Variants in TBC1D4 observed in about 807,000 individuals in gnomAD.
TBC1D4 encodes the protein TBC (Tre-2, BUB2, CDC16) domain-containing protein.
In TBC1D4, 121 loss-of-function variants were observed where a neutral mutation model predicts 142.5. The observed-to-expected ratio is 0.85, with a 90% CI of 0.73 to 0.99. TBC1D4 has a LOEUF of 0.99. Among genes scored for constraint, TBC1D4 ranks in the 50% least tolerant of loss-of-function variants. TBC1D4 has a pLI of 0.00. For synonymous variants in TBC1D4, 630 were observed against 628.2 expected (o/e 1.00, Z -0.04); for missense variants, 1,475 against 1,606.6 (o/e 0.92, Z 1.40).
In TBC1D4 at chr13:75,349,632, A is replaced by C. The variant is rs148056680; in HGVS notation, c.1276-330T>G. ...ATCCTTCTGTTTAATTATATGCTTT[A>C]TCAGATAAAGATCCTTTTGGAAGTT... On this transcript the variant is annotated intron_variant, in intron 4 of 20. Transcript: ENST00000377636. Among the ~76,000 whole-genome samples, 4 of 152,348 alleles carry C rather than the reference A, an allele frequency of 2.6e-5. No individual in the cohort carries two copies. In the East Asian group the frequency reaches 7.7e-4, roughly 29 times the overall value.
In TBC1D4 at chr13:75,370,931, G is replaced by C. The variant is rs75572602; in HGVS notation, c.499-8324C>G. On this transcript the variant is annotated intron_variant, in intron 1 of 20. Transcript: ENST00000377636. Reference sequence around the variant, plus strand: ...AGACAGCTAGGCAGAAACACAGAGGGGGTTATCTCCAGGATCTAGCCCTGA... The same window carrying C: ...AGACAGCTAGGCAGAAACACAGAGGCGGTTATCTCCAGGATCTAGCCCTGA... 5.3e-3 allele frequency among the ~76,000 whole-genome samples: 805 copies of C among 152,226 alleles called. 6 individuals carry two copies. The highest frequency in any genetic ancestry group is 0.018 in the African/African-American group (756 of 41,512).
At chr13:75,325,584 T>G (rs1195309478) in intron 10 of TBC1D4, among the ~76,000 whole-genome samples, 11 of 152,178 alleles carry the variant, frequency 7.2e-5, no homozygotes. Flanking sequence ...TCACCAAATA[T>G]CAAGCAACTT....
chr13:75,362,093 C>A lies in TBC1D4; in HGVS notation c.1013G>T (p.Arg338Ile), dbSNP rs1882571073. The A allele has an allele frequency of 6.2e-7, 1 of 1,614,126 alleles. No homozygotes were observed. Among genetic ancestry groups the A allele is most frequent in the Admixed American group, 1.7e-5 (1 of 60,036 alleles). Residue 338 changes from arginine to isoleucine, a missense_variant, in exon 2 of 21, where the codon AGA (arginine) becomes ATA (isoleucine). Physicochemically the swap from Arg to Ile is moderately conservative, Grantham distance 97. Around this residue, in one of 2 missense-constraint regions of TBC1D4, gnomAD observed 1,227 missense variants for 1,267.7 expected, o/e 0.97. Transcript: ENST00000377636. The surrounding 1 kb of genome is among the most constrained non-coding windows in gnomAD (Gnocchi z 4.2). ...GACGTGACTGGGTGCGCTCGCGTGT[C>A]TCCGTCGCGGCTGGGATTTCTGGCT... Reference protein sequence around the residue: ...EGSQKSQPRRRHASAPSHVQP... With the variant: ...EGSQKSQPRRIHASAPSHVQP...
intron 1 of TBC1D4, among the ~76,000 whole-genome samples, chr13:75,410,471 G>A (rs1308869725): frequency 1.3e-5 from 2 of 152,172 alleles, no homozygotes; most frequent in Admixed American, 1.3e-4. Context: ...AAGACTAGAG[G>A]TCAAACTATA....
intron 13 of TBC1D4, among the ~76,000 whole-genome samples, chr13:75,311,800 T>A (rs1877784924): frequency 6.6e-6 from 1 of 152,212 alleles, no homozygotes; most frequent in Admixed American, 6.5e-5. Flanking sequence ...CAAAAAGATT[T>A]ACTTAAAAAT....
chr13:75,431,606 G>A (rs893893913), intron 1 of TBC1D4, among the ~76,000 whole-genome samples: 1 of 152,120 alleles, frequency 6.6e-6, no homozygotes, highest in Non-Finnish European at 1.5e-5. Flanking sequence ...GTTGGTCTAA[G>A]GATCAGAGTT....
At chr13:75,462,315 C>A (rs1462739562) in intron 1 of TBC1D4, among the ~76,000 whole-genome samples, 1 of 152,044 alleles carries the variant, frequency 6.6e-6, no homozygotes. Flanking sequence ...CATCTACAGA[C>A]CTAAAGTTTA....
intron 3 of TBC1D4, 57 bp downstream of exon 3, chr13:75,359,712 G>T: frequency 1.5e-6 from 2 of 1,368,824 alleles, no homozygotes; most frequent in Admixed American, 1.7e-5. Flanking sequence ...TTATTTTATT[G>T]TTAATTCTGA....
intron 1 of TBC1D4, among the ~76,000 whole-genome samples, chr13:75,455,242 G>A (rs540452407): frequency 7.9e-5 from 12 of 152,128 alleles, no homozygotes; most frequent in South Asian, 6.2e-4. Flanking sequence ...CCCACAGCCC[G>A]CTGGCTATGG....
At chr13:75,305,385 A>G (rs539172976) in intron 15 of TBC1D4, among the ~76,000 whole-genome samples, 1 of 152,362 alleles carries the variant, frequency 6.6e-6, no homozygotes, top group East Asian at 1.9e-4. Context: ...CTCCTAAAAT[A>G]TCTTTGAAAG....
chr13:75,302,284 T>C lies in TBC1D4; in HGVS notation c.2870A>G (p.Lys957Arg). The change falls in exon 16 of 21, where the codon AAG (lysine) becomes AGG (arginine). Residue 957 changes from lysine (K) to arginine (R), a missense_variant. Physicochemically the swap from Lys to Arg is conservative, Grantham distance 26. Transcript: ENST00000377636. Reference protein sequence around the residue: ...PPDISYKELLKQLTAQQHAIL... With the variant: ...PPDISYKELLRQLTAQQHAIL... ...CGCATGCTGCTGAGCAGTGAGCTGC[T>C]TCAAAAGTTCCTTATAGGATATGTC... 1 of 1,614,224 alleles carries C rather than the reference T, an allele frequency of 6.2e-7. No homozygotes were observed.
intron 1 of TBC1D4, among the ~76,000 whole-genome samples, chr13:75,375,297 C>T (rs972640834): frequency 2.0e-5 from 3 of 152,172 alleles, no homozygotes; most frequent in Non-Finnish European, 4.4e-5. Flanking sequence ...ATGAGCTCTT[C>T]GTCTCCTCCA....
At chr13:75,358,125 C>T (rs1254033820) in intron 3 of TBC1D4, among the ~76,000 whole-genome samples, 1 of 152,070 alleles carries the variant, frequency 6.6e-6, no homozygotes, top group Non-Finnish European at 1.5e-5. Context: ...GGAACTGCTT[C>T]GGTTCAGACA....
At chr13:75,467,987 C>T (rs569862618) in intron 1 of TBC1D4, among the ~76,000 whole-genome samples, 26 of 152,226 alleles carry the variant, frequency 1.7e-4, no homozygotes, top group Admixed American at 1.0e-3. Flanking sequence ...CTGACCTCAC[C>T]CAGATGGATC....
intron 1 of TBC1D4, among the ~76,000 whole-genome samples, chr13:75,379,081 T>C (rs1213602787): frequency 1.3e-5 from 2 of 152,062 alleles, no homozygotes; most frequent in Non-Finnish European, 2.9e-5. Flanking sequence ...TATATAAACA[T>C]CTCAATCACA....
chr13:75,341,160 G>A lies in TBC1D4; in HGVS notation c.1576C>T (p.Gln526Ter). 1 of 1,613,320 alleles carries A rather than the reference G, an allele frequency of 6.2e-7. No individual in the cohort carries two copies. Among genetic ancestry groups the A allele is most frequent in the Non-Finnish European group, 8.5e-7 (1 of 1,179,842 alleles). ...LHLRQLCEAK[Q>*]KTHVHIGEGP... ...TCCCCGATGTGCACGTGTGTCTTCTGCTTGGCTTCACACAGCTGCCTCAGG... is the reference window on the plus strand; with the variant it reads ...TCCCCGATGTGCACGTGTGTCTTCTACTTGGCTTCACACAGCTGCCTCAGG... Residue 526 changes from glutamine to a stop codon, truncating the protein, a stop_gained, in exon 7 of 21, where the codon CAG becomes TAG. Coordinates refer to ENST00000377636, the MANE Select transcript of TBC1D4 (RefSeq NM_014832.5). LOFTEE classifies it high-confidence loss of function.
intron 1 of TBC1D4, among the ~76,000 whole-genome samples, chr13:75,473,272 A>C (rs1278518974): frequency 1.3e-5 from 2 of 152,158 alleles, no homozygotes; most frequent in Non-Finnish European, 2.9e-5. Flanking sequence ...ATTTTTACTG[A>C]ATTTTAAAAG....
chr13:75,310,196 A>C, intron 13 of TBC1D4, 45 bp from the exon 14 acceptor site: 1 of 1,566,240 alleles, frequency 6.4e-7, no homozygotes, highest in Non-Finnish European at 8.7e-7. Context: ...GCAGTAACCC[A>C]GACTACCCAA....
At position 75,312,750 on chromosome 13, in the gene TBC1D4, T is replaced by C. The variant is rs763122563; in HGVS notation, c.2371A>G (p.Met791Val). 14 of 1,614,036 alleles carry C rather than the reference T, an allele frequency of 8.7e-6. No homozygotes were observed. Among genetic ancestry groups the C allele is most frequent in the South Asian group, 7.7e-5 (7 of 91,088 alleles). ...ASPMNKSPSA[M>V]QQQDGLDRNE... ...GTGCAACACAGACCTTGCTGTTGCA[T>C]TGCTGAGGGAGATTTGTTCATGGGA... Residue 791 changes from methionine to valine, a missense_variant, in exon 13 of 21, where the codon ATG becomes GTG. By Grantham distance (21) the Met-to-Val change is conservative. This residue lies in a region of TBC1D4 where 1,227 missense variants were observed against 1,267.7 expected (regional missense o/e 0.97). Transcript: ENST00000377636.
Sources: allele counts gnomAD v4.1 joint callset (sites outside exome capture counted in the v4.1 genomes callset), GRCh38; gene constraint gnomAD v4.1.1; regional missense constraint gnomAD v4.1.1; non-coding constraint Gnocchi (gnomAD v3.1); transcripts MANE v1.5; gene names NCBI Gene and HGNC (gene_info 2026-07-23, HGNC 2026-07-21).